Variants in PLD1 observed in about 807,000 individuals in gnomAD.
PLD1 encodes the protein phospholipase D1, also known as choline phosphatase 1.
In PLD1, 112 loss-of-function variants were observed where a neutral mutation model predicts 137.1. The ratio of observed to expected loss-of-function variants is 0.82; its 90% CI spans 0.70 to 0.96. The LOEUF is 0.96. PLD1 is among the 40% of genes least tolerant of loss of function. The probability of loss-of-function intolerance (pLI) is 0.00; values close to 1 mark genes in which losing one functional copy is unlikely to be tolerated. For synonymous variants in PLD1, 431 were observed against 454.7 expected (o/e 0.95, Z 0.66); for missense variants, 1,321 against 1,342.0 (o/e 0.98, Z 0.24).
chr3:171,631,320 C>T (rs1293227059), intron 23 of PLD1, among the ~76,000 whole-genome samples: 10 of 151,972 alleles, frequency 6.6e-5, no homozygotes, highest in Admixed American at 2.6e-4. Context: ...AAATATGCTG[C>T]GGATAATGGG....
chr3:171,643,352 C>T (rs1404573425), intron 22 of PLD1, among the ~76,000 whole-genome samples: 3 of 152,000 alleles, frequency 2.0e-5, no homozygotes, highest in African/African-American at 7.2e-5. Flanking sequence ...CCACTAAAAA[C>T]GAAAAATATA....
intron 23 of PLD1, among the ~76,000 whole-genome samples, chr3:171,628,474 C>T (rs1275482265): frequency 1.3e-5 from 2 of 151,996 alleles, no homozygotes; most frequent in Non-Finnish European, 2.9e-5. Flanking sequence ...CTATTCCAAT[C>T]AATAGAAAAA....
intron 1 of PLD1, among the ~76,000 whole-genome samples, chr3:171,754,373 AG>A (rs1720870601): frequency 6.6e-6 from 1 of 152,196 alleles, no homozygotes; most frequent in Non-Finnish European, 1.5e-5. Context: ...ATAATCCTAC[AG>A]GGGAAACTAT....
intron 1 of PLD1, among the ~76,000 whole-genome samples, chr3:171,787,255 G>A (rs1723044551): frequency 6.6e-6 from 1 of 152,146 alleles, no homozygotes; most frequent in East Asian, 1.9e-4. Context: ...GGGTTTTACC[G>A]AGTCTGTATG....
intron 1 of PLD1, among the ~76,000 whole-genome samples, chr3:171,764,862 A>AGGAAGGAAGGAAG (rs796433081): frequency 4.0e-5 from 1 of 24,830 alleles, no homozygotes; most frequent in African/African-American, 1.7e-4. Flanking sequence ...AAAGAAAGAA[A>AGGAAGGAAGGAAG]GAAAGAAAGA....
At chr3:171,763,105 T>G (rs951278243) in intron 1 of PLD1, among the ~76,000 whole-genome samples, 1 of 152,070 alleles carries the variant, frequency 6.6e-6, no homozygotes, top group Non-Finnish European at 1.5e-5. Context: ...GCAAATTGTC[T>G]TCTATGGCAA....
intron 9 of PLD1, among the ~76,000 whole-genome samples, chr3:171,712,571 A>G (rs1250297610): frequency 6.6e-6 from 1 of 152,242 alleles, no homozygotes; most frequent in Non-Finnish European, 1.5e-5. Flanking sequence ...TTAGGGAGGA[A>G]TTTCAAATAA....
chr3:171,678,535 C>T (rs957785082), intron 16 of PLD1, among the ~76,000 whole-genome samples: 4 of 152,048 alleles, frequency 2.6e-5, no homozygotes, highest in African/African-American at 4.8e-5. Context: ...AAATCACAAA[C>T]GCAGCACTTG....
chr3:171,698,773 T>G (rs989114344), intron 12 of PLD1, among the ~76,000 whole-genome samples: 4 of 144,298 alleles, frequency 2.8e-5, no homozygotes. Context: ...GCCTGGCCAA[T>G]GTGGTGAAAC....
intron 11 of PLD1, among the ~76,000 whole-genome samples, chr3:171,706,122 C>CTATCTATCT (rs757204117): frequency 5.1e-4 from 73 of 144,174 alleles, no homozygotes; most frequent in East Asian, 3.2e-3. Context: ...CCGGGTCAGT[C>CTATCTATCT]AGTCTATCTA....
intron 21 of PLD1, among the ~76,000 whole-genome samples, chr3:171,646,656 G>T (rs1736243705): frequency 7.3e-6 from 1 of 137,814 alleles, no homozygotes; most frequent in Non-Finnish European, 1.5e-5. Flanking sequence ...TGGTGAGCAG[G>T]ATAGCGAAAA....
In PLD1 at chr3:171,676,826, A is replaced by G. The variant is rs1276991784; in HGVS notation, c.2004T>C (p.Ile668=). Residue 668 remains isoleucine, a synonymous_variant, in exon 18 of 27, where the codon ATT becomes ATC. Transcript: ENST00000351298. ...GCATCCGGGGCGTGGAGTACCTGTCAATGAAATCTGCCCGGGTGCACCAGG... is the reference window on the plus strand; with the variant it reads ...GCATCCGGGGCGTGGAGTACCTGTCGATGAAATCTGCCCGGGTGCACCAGG... ...VQLDKPFADF[I]DRYSTPRMPW... The G allele has an allele frequency of 6.2e-7, 1 of 1,612,012 alleles. No homozygotes were observed. The highest frequency in any genetic ancestry group is 1.7e-5 in the Admixed American group (1 of 60,006).
intron 1 of PLD1, among the ~76,000 whole-genome samples, chr3:171,768,841 T>C (rs191043164): frequency 6.6e-6 from 1 of 152,326 alleles, no homozygotes; most frequent in Non-Finnish European, 1.5e-5. Context: ...CAAGAAAGCA[T>C]GTTGGATAAA....
At chr3:171,794,054 G>T (rs1230244823) in intron 1 of PLD1, 1 of 151,784 alleles carries the variant, frequency 6.6e-6, no homozygotes. Context: ...TGAGGAAGGA[G>T]AATCGCTTGA....
chr3:171,632,659 A>G (rs1734770146), intron 23 of PLD1, among the ~76,000 whole-genome samples: 1 of 152,228 alleles, frequency 6.6e-6, no homozygotes, highest in South Asian at 2.1e-4. Flanking sequence ...AAAGCAAAGA[A>G]AGTAAAATTA....
intron 1 of PLD1, among the ~76,000 whole-genome samples, chr3:171,790,883 A>G (rs1216432014): frequency 1.3e-5 from 2 of 152,178 alleles, no homozygotes; most frequent in East Asian, 3.8e-4. Context: ...TTGTAGTGAA[A>G]CACAATTCCT....
chr3:171,721,924 T>C (rs1718156855), intron 8 of PLD1, among the ~76,000 whole-genome samples: 1 of 152,190 alleles, frequency 6.6e-6, no homozygotes, highest in African/African-American at 2.4e-5. Flanking sequence ...TGGTATTTTT[T>C]TGTTGGTAGT....
At chr3:171,679,959 C>T (rs750459372) in intron 16 of PLD1, among the ~76,000 whole-genome samples, 8 of 152,168 alleles carry the variant, frequency 5.3e-5, no homozygotes, top group Non-Finnish European at 1.2e-4. Context: ...ATAATTGCAC[C>T]TGCCTTGTCT....
chr3:171,676,811 C>A lies in PLD1; in HGVS notation c.2019G>T (p.Thr673=). 1 of 1,613,890 alleles carries A rather than the reference C, an allele frequency of 6.2e-7. No homozygotes were observed. The highest frequency in any genetic ancestry group is 8.5e-7 in the Non-Finnish European group (1 of 1,179,792). The part of the protein sequence containing the change: ...PFADFIDRYS[T]PRMPWHDIAS... The stretch of plus-strand genomic sequence containing the variant: ...CAATGTCATGCCAGGGCATCCGGGG[C>A]GTGGAGTACCTGTCAATGAAATCTG... The change falls in exon 18 of 27, where the codon ACG becomes ACT. Residue 673 remains threonine, a synonymous_variant. Coordinates refer to ENST00000351298, the MANE Select transcript of PLD1 (RefSeq NM_002662.5).
Sources: allele counts gnomAD v4.1 joint callset (sites outside exome capture counted in the v4.1 genomes callset), GRCh38; gene constraint gnomAD v4.1.1; transcripts MANE v1.5; gene names NCBI Gene and HGNC (gene_info 2026-07-23, HGNC 2026-07-21).